HCN1: variants seen among roughly 807,000 people sequenced by gnomAD.
HCN1 encodes the protein hyperpolarization activated cyclic nucleotide gated potassium channel 1.
HCN1 carries 13 observed loss-of-function variants against 78.9 expected under a neutral mutation model. The ratio of observed to expected loss-of-function variants is 0.16; its 90% CI spans 0.11 to 0.26. The LOEUF is 0.26. HCN1 is among the 10% of genes least tolerant of loss of function. The pLI is 1.00. For synonymous variants in HCN1, 552 were observed against 455.5 expected (o/e 1.21, Z -2.70); for missense variants, 810 against 1,154.3 (o/e 0.70, Z 4.32).
At chr5:45,651,097 T>A (rs991687975) in intron 1 of HCN1, among the ~76,000 whole-genome samples, 3 of 152,034 alleles carry the variant, frequency 2.0e-5, no homozygotes, top group African/African-American at 7.2e-5. Context: ...TGAATAAAAA[T>A]ATTTATGGTT....
intron 1 of HCN1, among the ~76,000 whole-genome samples, chr5:45,656,765 G>A (rs893269561): frequency 6.6e-6 from 1 of 152,182 alleles, no homozygotes; most frequent in East Asian, 1.9e-4. Context: ...GTTAAGTTCT[G>A]TTTATAAATT....
chr5:45,324,146 A>G (rs539514272), intron 5 of HCN1, among the ~76,000 whole-genome samples: 5 of 151,836 alleles, frequency 3.3e-5, no homozygotes, highest in African/African-American at 9.7e-5. Flanking sequence ...ACCAACTTCC[A>G]TGATGGTTGG....
At chr5:45,679,737 A>G (rs1739668305) in intron 1 of HCN1, among the ~76,000 whole-genome samples, 1 of 152,124 alleles carries the variant, frequency 6.6e-6, no homozygotes, top group South Asian at 2.1e-4. Context: ...ATCACATTTA[A>G]TAAAATTGTT....
chr5:45,324,268 C>T (rs944759551), intron 5 of HCN1, among the ~76,000 whole-genome samples: 9 of 151,672 alleles, frequency 5.9e-5, no homozygotes, highest in Non-Finnish European at 1.3e-4. Context: ...TGACAAAGGG[C>T]TAATATCCAG....
intron 2 of HCN1, among the ~76,000 whole-genome samples, chr5:45,633,374 A>G (rs1168228174): frequency 1.3e-5 from 2 of 151,892 alleles, no homozygotes; most frequent in South Asian, 2.1e-4. Flanking sequence ...TTTTATTTCA[A>G]TTGACTAATC....
intron 2 of HCN1, among the ~76,000 whole-genome samples, chr5:45,620,957 CA>C (rs1212563112): frequency 1.3e-5 from 2 of 152,086 alleles, no homozygotes; most frequent in Non-Finnish European, 2.9e-5. Context: ...CTGGATTAGA[CA>C]ATACACAGTA....
At chr5:45,349,559 C>T (rs148722188) in intron 5 of HCN1, among the ~76,000 whole-genome samples, 15,408 of 151,982 alleles carry the variant, frequency 0.1, 997 homozygotes, top group Middle Eastern at 0.17. Context: ...CACAAAAAAC[C>T]CTTCAAAAAA....
chr5:45,684,969 C>T (rs1056310517), intron 1 of HCN1, among the ~76,000 whole-genome samples: 14 of 152,146 alleles, frequency 9.2e-5, no homozygotes, highest in African/African-American at 3.1e-4. Flanking sequence ...TAATAAGGTG[C>T]ATTGTCTTTT....
chr5:45,297,528 C>A (rs1385997207), intron 6 of HCN1, among the ~76,000 whole-genome samples: 3 of 151,986 alleles, frequency 2.0e-5, no homozygotes, highest in Non-Finnish European at 4.4e-5. Flanking sequence ...TAAATTCTAC[C>A]AAATATTTAA....
chr5:45,345,738 T>A (rs947209438), intron 5 of HCN1, among the ~76,000 whole-genome samples: 1 of 152,124 alleles, frequency 6.6e-6, no homozygotes, highest in African/African-American at 2.4e-5. Flanking sequence ...ATTCAACAAG[T>A]CTCTAGGAAG....
At chr5:45,371,954 T>C (rs1209805548) in intron 4 of HCN1, among the ~76,000 whole-genome samples, 4 of 94,950 alleles carry the variant, frequency 4.2e-5, no homozygotes, top group African/African-American at 1.7e-4. Context: ...TATAATATAA[T>C]ATAATTATAT....
rs542387949 is a variant in HCN1 at position 45,507,502 on chromosome 5, T to A, written c.850-45495A>T. Among the ~76,000 whole-genome samples the A allele has an allele frequency of 1.2e-4, 18 of 152,288 alleles. No homozygotes were observed. In the South Asian group the frequency reaches 3.5e-3, roughly 30 times the overall value. ...CCATTTTCATGCTTCTTGTTGAGAT[T>A]TTGTAATGGTTCCAAGGTCCCACTA... On this transcript the variant is annotated intron_variant, in intron 2 of 7. Coordinates refer to ENST00000303230, the MANE Select transcript of HCN1 (RefSeq NM_021072.4).
intron 2 of HCN1, among the ~76,000 whole-genome samples, chr5:45,586,010 T>C (rs1744210921): frequency 6.6e-6 from 1 of 152,160 alleles, no homozygotes; most frequent in African/African-American, 2.4e-5. Flanking sequence ...TGTTCTCAGA[T>C]CTTCAGCTGC....
chr5:45,639,960 A>C (rs1244125638), intron 2 of HCN1, among the ~76,000 whole-genome samples: 2 of 152,300 alleles, frequency 1.3e-5, no homozygotes, highest in Non-Finnish European at 2.9e-5. Flanking sequence ...CATCTACTGC[A>C]CTAGGCTGCT....
intron 2 of HCN1, among the ~76,000 whole-genome samples, chr5:45,516,513 T>C (rs1231882482): frequency 6.6e-6 from 1 of 151,986 alleles, no homozygotes; most frequent in Non-Finnish European, 1.5e-5. Context: ...TATTCATAAA[T>C]AAAACTTCCT....
At chr5:45,352,958 T>G in intron 5 of HCN1, 142 bp downstream of exon 5, 3 of 660,404 alleles carry the variant, frequency 4.5e-6, no homozygotes, top group South Asian at 3.7e-5. Context: ...CTTATGTAGG[T>G]GAGAAGCTAA....
At chr5:45,543,288 T>C (rs1447326379) in intron 2 of HCN1, among the ~76,000 whole-genome samples, 3 of 151,980 alleles carry the variant, frequency 2.0e-5, no homozygotes, top group African/African-American at 2.4e-5. Flanking sequence ...AATTACGATC[T>C]ATCTATAACA....
At chr5:45,329,613 C>T (rs1001482556) in intron 5 of HCN1, among the ~76,000 whole-genome samples, 3 of 151,328 alleles carry the variant, frequency 2.0e-5, no homozygotes, top group Non-Finnish European at 1.5e-5. Context: ...AACAAATGAT[C>T]ATAGAATAAA....
At chr5:45,665,860 A>C (rs921183784) in intron 1 of HCN1, among the ~76,000 whole-genome samples, 1 of 152,032 alleles carries the variant, frequency 6.6e-6, no homozygotes, top group Non-Finnish European at 1.5e-5. Context: ...ATTTCTACCT[A>C]ATCTCTCTAA....
Sources: allele counts gnomAD v4.1 joint callset (sites outside exome capture counted in the v4.1 genomes callset), GRCh38; gene constraint gnomAD v4.1.1; transcripts MANE v1.5; gene names NCBI Gene and HGNC (gene_info 2026-07-23, HGNC 2026-07-21).